TMEM132D: variants seen among roughly 807,000 people sequenced by gnomAD.
The protein encoded by TMEM132D is transmembrane protein 132D.
TMEM132D carries 21 observed loss-of-function variants against 62.3 expected under a neutral mutation model. That is an observed-to-expected ratio of 0.34 (90% CI 0.24 to 0.49). The LOEUF is 0.49. TMEM132D is among the 20% of genes least tolerant of loss of function. The probability of loss-of-function intolerance (pLI) is 0.99; values close to 1 mark genes in which losing one functional copy is unlikely to be tolerated. For missense variants in TMEM132D, 1,346 were observed against 1,402.8 expected, an observed-to-expected ratio of 0.96 and a Z score of 0.65; for synonymous variants, 621 against 575.6, an observed-to-expected ratio of 1.08 and a Z score of -1.13.
chr12:129,767,641 A>G (rs1332005752), intron 1 of TMEM132D, among the ~76,000 whole-genome samples: 5 of 152,160 alleles, frequency 3.3e-5, no homozygotes, highest in Admixed American at 2.0e-4. Context: ...AATGCCCTCC[A>G]TGATCATCCA....
chr12:129,817,512 T>C (rs1872381775), intron 1 of TMEM132D, among the ~76,000 whole-genome samples: 1 of 152,142 alleles, frequency 6.6e-6, no homozygotes, highest in African/African-American at 2.4e-5. Context: ...GTCTCACTCC[T>C]TCCATTTTCA....
chr12:129,133,567 G>C (rs896787071), intron 5 of TMEM132D, among the ~76,000 whole-genome samples: 1 of 152,174 alleles, frequency 6.6e-6, no homozygotes, highest in African/African-American at 2.4e-5. Context: ...GGTCTGTCTT[G>C]GTATCTGCTT....
intron 2 of TMEM132D, among the ~76,000 whole-genome samples, chr12:129,646,997 C>T (rs1263656533): frequency 6.6e-6 from 1 of 151,450 alleles, no homozygotes; most frequent in African/African-American, 2.4e-5. Context: ...ACAGGGTCTC[C>T]CCATGTTGGC....
chr12:129,744,083 C>T (rs1427137674), intron 1 of TMEM132D, among the ~76,000 whole-genome samples: 1 of 152,176 alleles, frequency 6.6e-6, no homozygotes, highest in Non-Finnish European at 1.5e-5. Flanking sequence ...GTCTGAGATG[C>T]CCACTAACTG....
intron 1 of TMEM132D, among the ~76,000 whole-genome samples, chr12:129,862,837 G>C (rs776310740): frequency 6.6e-6 from 1 of 150,940 alleles, no homozygotes; most frequent in Non-Finnish European, 1.5e-5. Flanking sequence ...CTAAAAGCTT[G>C]ATGTTTAAGA....
chr12:129,674,722 G>A (rs1435535758), intron 2 of TMEM132D, among the ~76,000 whole-genome samples: 1 of 152,062 alleles, frequency 6.6e-6, no homozygotes, highest in African/African-American at 2.4e-5. Flanking sequence ...TGTATTTTTA[G>A]TACAGATGGG....
chr12:129,296,046 A>C (rs571517292), intron 4 of TMEM132D, among the ~76,000 whole-genome samples: 1 of 151,218 alleles, frequency 6.6e-6, no homozygotes, highest in African/African-American at 2.4e-5. Context: ...ATGCACACAC[A>C]TATATACATC....
chr12:129,517,147 G>T (rs961802911), intron 3 of TMEM132D, among the ~76,000 whole-genome samples: 4 of 152,134 alleles, frequency 2.6e-5, no homozygotes, highest in Non-Finnish European at 4.4e-5. Flanking sequence ...TGGGGTGAGG[G>T]TGAGGGTGGG....
chr12:129,768,765 T>C (rs540932945), intron 1 of TMEM132D, among the ~76,000 whole-genome samples: 2 of 152,264 alleles, frequency 1.3e-5, no homozygotes, highest in African/African-American at 4.8e-5. Context: ...TCTTGTTAAG[T>C]TAGAAAAATG....
chr12:129,677,127 T>A lies in TMEM132D; in HGVS notation c.968+22683A>T, dbSNP rs1427760286. Among the ~76,000 whole-genome samples, 5 of 152,234 alleles carry A rather than the reference T, an allele frequency of 3.3e-5. No individual in the cohort carries two copies. In the East Asian group the frequency reaches 7.7e-4, roughly 23 times the overall value. On this transcript the variant is annotated intron_variant, in intron 2 of 8. Transcript: ENST00000422113. Reference sequence around the variant, plus strand: ...AATGACAGTTAATACGGTTGGGCTGTGACCCCACCCAAATCTCATCTTGAA... The same window carrying A: ...AATGACAGTTAATACGGTTGGGCTGAGACCCCACCCAAATCTCATCTTGAA...
intron 2 of TMEM132D, among the ~76,000 whole-genome samples, chr12:129,695,366 C>G (rs142971773): frequency 1.3e-5 from 2 of 152,252 alleles, no homozygotes; most frequent in East Asian, 1.9e-4. Context: ...AGGAAACTAG[C>G]GGGGACATAT....
chr12:129,879,236 C>T (rs1322507544), intron 1 of TMEM132D, among the ~76,000 whole-genome samples: 3 of 152,184 alleles, frequency 2.0e-5, no homozygotes, highest in Non-Finnish European at 4.4e-5. Flanking sequence ...GTCTATGCCT[C>T]AGTCCTACAC....
At chr12:129,166,877 C>A (rs2135544423) in intron 5 of TMEM132D, among the ~76,000 whole-genome samples, 1 of 152,096 alleles carries the variant, frequency 6.6e-6, no homozygotes, top group East Asian at 1.9e-4. Context: ...AGAAACCACA[C>A]CAGTTGCTGG....
At chr12:129,432,187 A>T (rs1413823124) in intron 3 of TMEM132D, among the ~76,000 whole-genome samples, 2 of 150,140 alleles carry the variant, frequency 1.3e-5, no homozygotes, top group African/African-American at 5.0e-5. Context: ...GGATGGATGG[A>T]TGGATGGATG....
chr12:129,292,292 T>C (rs976116560), intron 4 of TMEM132D, among the ~76,000 whole-genome samples: 9 of 152,218 alleles, frequency 5.9e-5, no homozygotes, highest in African/African-American at 1.9e-4. Context: ...AATGTAGTCC[T>C]AATGTGGTCA....
chr12:129,537,100 C>A lies in TMEM132D; in HGVS notation c.969-5895G>T, dbSNP rs896034205. On this transcript the variant is annotated intron_variant, in intron 2 of 8. Transcript: ENST00000422113. ...GCTTGAACCCGGGAGGCAGAGGTTGCGGTGAGCCGAGATTGTGCCACTGCA... is the reference window on the plus strand; with the variant it reads ...GCTTGAACCCGGGAGGCAGAGGTTGAGGTGAGCCGAGATTGTGCCACTGCA... 8.9e-5 allele frequency among the ~76,000 whole-genome samples: 12 copies of A among 135,288 alleles called. 1 individual carries two copies. The highest frequency in any genetic ancestry group is 3.4e-4 in the African/African-American group (12 of 35,764). The allele number at this position is 135,288 out of a possible 152,430, so 88.8% of individuals were successfully genotyped here.
chr12:129,701,228 G>A (rs1881378576), intron 1 of TMEM132D, among the ~76,000 whole-genome samples: 1 of 152,140 alleles, frequency 6.6e-6, no homozygotes, highest in Admixed American at 6.5e-5. Context: ...CTGCATATAC[G>A]CACATGTCCA....
At chr12:129,572,552 A>T (rs1168627109) in intron 2 of TMEM132D, among the ~76,000 whole-genome samples, 1 of 152,112 alleles carries the variant, frequency 6.6e-6, no homozygotes, top group Non-Finnish European at 1.5e-5. Flanking sequence ...GGGTTCAAGC[A>T]ATTCTCGTGC....
At chr12:129,219,215 G>T (rs1230001392) in intron 4 of TMEM132D, among the ~76,000 whole-genome samples, 1 of 152,150 alleles carries the variant, frequency 6.6e-6, no homozygotes, top group African/African-American at 2.4e-5. Flanking sequence ...CATGGGGGCA[G>T]GTCTTTCCCA....
Sources: gnomAD v4.1 joint callset for allele counts (sites outside exome capture counted in the v4.1 genomes callset) on GRCh38, gnomAD v4.1.1 for gene constraint, MANE v1.5 for transcripts, NCBI Gene and HGNC (gene_info 2026-07-23, HGNC 2026-07-21) for gene names.